The following PRKN variants were observed in gnomAD, a reference collection of about 807,000 sequenced individuals.
PRKN encodes E3 ubiquitin-protein ligase parkin.
Under a neutral mutation model 59.5 loss-of-function variants are expected in PRKN, and 56 were observed. The ratio of observed to expected loss-of-function variants is 0.94; its 90% CI spans 0.76 to 1.18. PRKN has a LOEUF of 1.18. Among genes scored for constraint, PRKN ranks in the 50% most tolerant of loss-of-function variants. The pLI, the probability that PRKN is intolerant of heterozygous loss-of-function variation, is 0.00. For synonymous variants in PRKN, 250 were observed against 222.1 expected, an observed-to-expected ratio of 1.13 and a Z score of -1.12; for missense variants, 657 against 596.4, an observed-to-expected ratio of 1.10 and a Z score of -1.06.
At chr6:162,045,890 T>C (rs1784231634) in intron 5 of PRKN, among the ~76,000 whole-genome samples, 2 of 152,224 alleles carry the variant, frequency 1.3e-5, no homozygotes, top group African/African-American at 4.8e-5. Context: ...TGACCTCCCA[T>C]CTCTAATCCT....
chr6:161,797,366 A>C (rs1406088303), intron 6 of PRKN, among the ~76,000 whole-genome samples: 8 of 152,132 alleles, frequency 5.3e-5, no homozygotes, highest in Admixed American at 3.9e-4. Context: ...TCCTGGGTTC[A>C]AGTGATTCTT....
At chr6:162,540,364 T>C (rs1208087588) in intron 1 of PRKN, among the ~76,000 whole-genome samples, 1 of 152,214 alleles carries the variant, frequency 6.6e-6, no homozygotes, top group East Asian at 1.9e-4. Flanking sequence ...TAAGCCACCA[T>C]GCCCGGCCAT....
chr6:161,831,439 T>C (rs1036419362), intron 6 of PRKN, among the ~76,000 whole-genome samples: 7 of 152,168 alleles, frequency 4.6e-5, no homozygotes, highest in African/African-American at 7.2e-5. Flanking sequence ...AACAGCATTG[T>C]CTTGTGTTCT....
chr6:162,096,611 G>A (rs1381195947), intron 4 of PRKN, among the ~76,000 whole-genome samples: 1 of 152,080 alleles, frequency 6.6e-6, no homozygotes, highest in Non-Finnish European at 1.5e-5. Flanking sequence ...TCCCCTGGTA[G>A]TGAATAAGTC....
intron 5 of PRKN, among the ~76,000 whole-genome samples, chr6:162,012,726 T>A (rs886215033): frequency 7.9e-5 from 12 of 152,164 alleles, no homozygotes; most frequent in Non-Finnish European, 1.6e-4. Flanking sequence ...TGAGTTTTCA[T>A]GTACTTTCAG....
Position 161,350,050 on chromosome 6 carries a change from C to T in PRKN, c.*49G>A, listed in dbSNP as rs200940812. 6.1e-6 allele frequency: 7 copies of T among 1,141,186 alleles called. No individual in the cohort carries two copies. The highest frequency in any genetic ancestry group is 3.5e-5 in the Admixed American group (2 of 57,854). 70.7% of individuals were successfully genotyped at this position (1,141,186 alleles called of 1,614,324 possible). A position where few individuals can be genotyped will look rare whatever the true frequency, so the allele number is the denominator to read the frequency against. Reference sequence around the variant, plus strand: ...GAGAATTAGAAAATGAAGGTAGACACTGGGTATGCTCCCCCAGGATGTGGC... The same window carrying T: ...GAGAATTAGAAAATGAAGGTAGACATTGGGTATGCTCCCCCAGGATGTGGC... On this transcript the variant is annotated 3_prime_UTR_variant, in exon 12 of 12. Transcript: ENST00000366898.
At chr6:162,239,769 G>A (rs1170167148) in intron 3 of PRKN, among the ~76,000 whole-genome samples, 7 of 151,868 alleles carry the variant, frequency 4.6e-5, no homozygotes, top group African/African-American at 1.7e-4. Flanking sequence ...AAGACCACCA[G>A]CTGAAACGGG....
intron 4 of PRKN, among the ~76,000 whole-genome samples, chr6:162,073,653 T>C (rs1383991644): frequency 6.6e-6 from 1 of 152,198 alleles, no homozygotes; most frequent in African/African-American, 2.4e-5. Flanking sequence ...GGTTTCGCCA[T>C]GTTGGCCAGA....
At chr6:161,965,060 T>C (rs1583413692) in intron 6 of PRKN, among the ~76,000 whole-genome samples, 1 of 152,056 alleles carries the variant, frequency 6.6e-6, no homozygotes, top group Non-Finnish European at 1.5e-5. Context: ...AATGAATGAA[T>C]GAAAGCATAC....
intron 9 of PRKN, among the ~76,000 whole-genome samples, chr6:161,532,020 A>G (rs1243265239): frequency 2.0e-5 from 3 of 152,092 alleles, no homozygotes; most frequent in Non-Finnish European, 4.4e-5. Context: ...TGGGGTAAAA[A>G]TTTGCAAATC....
chr6:161,886,674 G>T (rs1321082845), intron 6 of PRKN, among the ~76,000 whole-genome samples: 1 of 149,724 alleles, frequency 6.7e-6, no homozygotes, highest in Non-Finnish European at 1.5e-5. Flanking sequence ...TCTAGCCTGG[G>T]CAACAAGAGC....
intron 1 of PRKN, 125 bp from the exon 2 acceptor site, chr6:162,443,598 T>C: frequency 1.1e-6 from 1 of 887,496 alleles, no homozygotes; most frequent in Non-Finnish European, 1.8e-6. Flanking sequence ...TATATTTTCT[T>C]TCACTTACAA....
intron 3 of PRKN, among the ~76,000 whole-genome samples, chr6:162,230,689 TAAC>T (rs1778383490): frequency 6.6e-6 from 1 of 152,216 alleles, no homozygotes; most frequent in South Asian, 2.1e-4. Flanking sequence ...AGAAATCTAA[TAAC>T]AGCCTGGAGA....
intron 1 of PRKN, among the ~76,000 whole-genome samples, chr6:162,449,514 T>C (rs907738885): frequency 6.6e-6 from 1 of 152,218 alleles, no homozygotes; most frequent in Non-Finnish European, 1.5e-5. Context: ...GCATTATTAC[T>C]AGCTACAAGC....
intron 6 of PRKN, among the ~76,000 whole-genome samples, chr6:161,875,670 C>T (rs1429725775): frequency 6.6e-6 from 1 of 152,032 alleles, no homozygotes; most frequent in Non-Finnish European, 1.5e-5. Flanking sequence ...AGGCTCTGTC[C>T]GTTTTGACAC....
At position 161,680,763 on chromosome 6, in the gene PRKN, ATATATATATATAT is replaced by A. The variant is rs1471279959; in HGVS notation, c.871+104996_871+105008del. Among the ~76,000 whole-genome samples, 39 of 10,160 alleles carry A rather than the reference ATATATATATATAT, an allele frequency of 3.8e-3. 1 individual carries two copies. The highest frequency in any genetic ancestry group is 0.011 in the South Asian group (2 of 180). The allele number at this position is 10,160 out of a possible 152,430, so 6.7% of individuals were successfully genotyped here. A position where few individuals can be genotyped will look rare whatever the true frequency, so the allele number is the denominator to read the frequency against. On this transcript the variant is annotated intron_variant, in intron 7 of 11. Coordinates refer to ENST00000366898, the MANE Select transcript of PRKN (RefSeq NM_004562.3). Reference sequence around the variant, plus strand: ...TATATATATATATATATATATATATATATATATATATATTTTTTTTTTTTTTTCTTTTCCTAAA... The same window carrying A: ...TATATATATATATATATATATATATATTTTTTTTTTTTTTCTTTTCCTAAA...
intron 6 of PRKN, among the ~76,000 whole-genome samples, chr6:161,948,802 T>A (rs1181898217): frequency 6.6e-6 from 1 of 152,092 alleles, no homozygotes; most frequent in East Asian, 1.9e-4. Flanking sequence ...TAAGGGCACA[T>A]CTGAGTAAGG....
At chr6:162,696,197 A>C (rs2128235969) in intron 1 of PRKN, among the ~76,000 whole-genome samples, 1 of 152,348 alleles carries the variant, frequency 6.6e-6, no homozygotes, top group Middle Eastern at 3.4e-3. Flanking sequence ...ATGATTTCTA[A>C]GTATCATAAA....
chr6:161,808,977 A>G (rs879607969), intron 6 of PRKN, among the ~76,000 whole-genome samples: 3 of 152,008 alleles, frequency 2.0e-5, no homozygotes, highest in Non-Finnish European at 4.4e-5. Context: ...AGTAGTTGGG[A>G]CCACAGGCAT....
Sources: allele counts gnomAD v4.1 joint callset (sites outside exome capture counted in the v4.1 genomes callset), GRCh38; gene constraint gnomAD v4.1.1; transcripts MANE v1.5; gene names NCBI Gene and HGNC (gene_info 2026-07-23, HGNC 2026-07-21).